The following ARHGAP24 variants were observed in gnomAD, a reference collection of about 807,000 sequenced individuals.
ARHGAP24 encodes the protein Rho GTPase activating protein 24.
Under a neutral mutation model 76.4 loss-of-function variants are expected in ARHGAP24, and 50 were observed. The ratio of observed to expected loss-of-function variants is 0.65; its 90% confidence interval spans 0.52 to 0.83. ARHGAP24 has a LOEUF of 0.83. Ranked by LOEUF, ARHGAP24 falls within the 40% of genes least tolerant of loss-of-function variation. The pLI is 0.00. For missense variants in ARHGAP24, 930 were observed against 914.2 expected (o/e 1.02, Z -0.22); for synonymous variants, 345 against 323.3 (o/e 1.07, Z -0.72).
intron 3 of ARHGAP24, among the ~76,000 whole-genome samples, chr4:85,866,100 A>T (rs1331613989): frequency 6.6e-6 from 1 of 152,106 alleles, no homozygotes; most frequent in African/African-American, 2.4e-5. Flanking sequence ...TTAATGGTTC[A>T]CACTACATTT....
chr4:85,912,403 CA>C, intron 3 of ARHGAP24, among the ~76,000 whole-genome samples: 1 of 152,210 alleles, frequency 6.6e-6, no homozygotes, highest in Middle Eastern at 3.4e-3. Context: ...AGAAAAAGCA[CA>C]ATGGACGGTT....
chr4:85,543,339 G>A (rs1231275756), intron 1 of ARHGAP24, among the ~76,000 whole-genome samples: 2 of 152,176 alleles, frequency 1.3e-5, no homozygotes, highest in African/African-American at 4.8e-5. Context: ...CTAAAACTGG[G>A]AAGAACAATG....
At chr4:85,807,730 C>T (rs1374857089) in intron 3 of ARHGAP24, among the ~76,000 whole-genome samples, 2 of 152,174 alleles carry the variant, frequency 1.3e-5, no homozygotes, top group Non-Finnish European at 2.9e-5. Context: ...AACCTTGGAG[C>T]CCAGAGGCGC....
Position 85,598,059 on chromosome 4 carries a change from G to A in ARHGAP24, c.180+27338G>A, listed in dbSNP as rs145840955. Among the ~76,000 whole-genome samples, 232 of 152,152 alleles carry A rather than the reference G, an allele frequency of 1.5e-3. 2 individuals are homozygous for A. The highest frequency in any genetic ancestry group is 5.1e-3 in the African/African-American group (211 of 41,536). On this transcript the variant is annotated intron_variant, in intron 2 of 9. Coordinates refer to ENST00000395184, the MANE Select transcript of ARHGAP24 (RefSeq NM_001025616.3). Reference sequence around the variant, plus strand: ...TCAAACTATCCTAAGGGATGGATACGTTAAATTTTAGTATATCATAAGAAG... The same window carrying A: ...TCAAACTATCCTAAGGGATGGATACATTAAATTTTAGTATATCATAAGAAG...
In ARHGAP24 at chr4:85,796,208, A is replaced by ACT. The variant is rs1728333322; in HGVS notation, c.268+74237_268+74238insTC. The stretch of plus-strand genomic sequence containing the variant: ...CAGTTTAGTTTTATACCTACTACAC[A>ACT]CACACACACACTCACACACACATAT... On this transcript the variant is annotated intron_variant, in intron 3 of 9. Transcript: ENST00000395184. Among the ~76,000 whole-genome samples, 20 of 151,928 alleles carry ACT rather than the reference A, an allele frequency of 1.3e-4. No homozygotes were observed. In the South Asian group the frequency reaches 4.2e-3, roughly 32 times the overall value.
intron 3 of ARHGAP24, chr4:85,723,724 AT>A (rs1359271397): frequency 1.3e-5 from 2 of 152,200 alleles, no homozygotes; most frequent in Non-Finnish European, 2.9e-5. Context: ...AGTGTTCCAA[AT>A]GTATCTTTGA....
Position 85,954,131 on chromosome 4 carries a change from C to T in ARHGAP24, c.599+11858C>T, listed in dbSNP as rs1156615373. ...AACAAATGAGCTGCCCCAAACATAA[C>T]AAGAAAAAAAGATGTTTTGTTTAGG... On this transcript the variant is annotated intron_variant, in intron 5 of 9. Transcript: ENST00000395184. Among the ~76,000 whole-genome samples the T allele has an allele frequency of 2.0e-5, 3 of 151,938 alleles. No individual in the cohort carries two copies. In the South Asian group the frequency reaches 6.2e-4, roughly 32 times the overall value.
At chr4:85,636,969 A>G (rs1721330838) in intron 2 of ARHGAP24, among the ~76,000 whole-genome samples, 1 of 152,056 alleles carries the variant, frequency 6.6e-6, no homozygotes, top group Admixed American at 6.6e-5. Context: ...GAATGAACAT[A>G]TATTCTTAGA....
intron 1 of ARHGAP24, among the ~76,000 whole-genome samples, chr4:85,558,951 C>T (rs963475368): frequency 7.2e-5 from 11 of 152,182 alleles, no homozygotes; most frequent in African/African-American, 1.9e-4. Context: ...TTTGATTCTC[C>T]TAGGTCAGAC....
chr4:85,644,283 A>T (rs1721639251), intron 2 of ARHGAP24, among the ~76,000 whole-genome samples: 1 of 152,192 alleles, frequency 6.6e-6, no homozygotes, highest in Non-Finnish European at 1.5e-5. Context: ...CATGATTAGT[A>T]CTTGGAGGGA....
intron 3 of ARHGAP24, among the ~76,000 whole-genome samples, chr4:85,760,456 G>A (rs776093450): frequency 1.7e-4 from 26 of 152,066 alleles, no homozygotes; most frequent in Admixed American, 5.9e-4. Flanking sequence ...TACATGCCAC[G>A]TTTAAGAAAC....
In ARHGAP24 at chr4:86,001,634, C is replaced by T. The variant is rs1374487248; in HGVS notation, c.*912C>T. The T allele has an allele frequency of 1.8e-5, 7 of 389,914 alleles. No individual in the cohort carries two copies. The highest frequency in any genetic ancestry group is 4.1e-5 in the African/African-American group (2 of 48,492). 24.2% of individuals were successfully genotyped at this position (389,914 alleles called of 1,614,324 possible). ...AACAATGCTTGCTAAACCATGCCCA[C>T]GTGAGCACCTGTCTCCCACTCAAAC... On this transcript the variant is annotated 3_prime_UTR_variant, in exon 10 of 10. Coordinates refer to ENST00000395184, the MANE Select transcript of ARHGAP24 (RefSeq NM_001025616.3).
chr4:85,660,404 AT>A (rs1199450762), intron 2 of ARHGAP24, among the ~76,000 whole-genome samples: 1 of 152,176 alleles, frequency 6.6e-6, no homozygotes, highest in African/African-American at 2.4e-5. Flanking sequence ...AAACAGAGTG[AT>A]TTATTCACAG....
At chr4:85,634,164 T>C (rs1007397435) in intron 2 of ARHGAP24, among the ~76,000 whole-genome samples, 7 of 151,872 alleles carry the variant, frequency 4.6e-5, no homozygotes, top group Non-Finnish European at 8.8e-5. Flanking sequence ...TTGATGTACA[T>C]AATATGCAAT....
chr4:85,761,216 C>T (rs1389454869), intron 3 of ARHGAP24, among the ~76,000 whole-genome samples: 1 of 152,164 alleles, frequency 6.6e-6, no homozygotes, highest in Non-Finnish European at 1.5e-5. Flanking sequence ...ATTTGATTCT[C>T]TCTTGTTATT....
chr4:85,733,159 G>T (rs2869379), intron 3 of ARHGAP24, among the ~76,000 whole-genome samples: 79,944 of 145,762 alleles, frequency 0.55, 24,012 homozygotes, highest in Non-Finnish European at 0.69. Context: ...TGCCTCCCGG[G>T]TTCACACCTT....
At chr4:85,795,922 G>A (rs1728321712) in intron 3 of ARHGAP24, among the ~76,000 whole-genome samples, 1 of 152,088 alleles carries the variant, frequency 6.6e-6, no homozygotes, top group Admixed American at 6.5e-5. Flanking sequence ...TGTTAATATT[G>A]GATAGTCTCT....
intron 1 of ARHGAP24, among the ~76,000 whole-genome samples, chr4:85,480,601 A>G (rs1023695870): frequency 1.1e-4 from 17 of 152,184 alleles, no homozygotes; most frequent in African/African-American, 3.6e-4. Context: ...ATAAATTTGC[A>G]TGGTATGGCT....
At chr4:85,961,040 C>T (rs1738212736) in intron 5 of ARHGAP24, among the ~76,000 whole-genome samples, 1 of 152,086 alleles carries the variant, frequency 6.6e-6, no homozygotes, top group Non-Finnish European at 1.5e-5. Context: ...CACTCTCTTT[C>T]CTCACTCTGA....
Sources: gnomAD v4.1 joint callset for allele counts (sites outside exome capture counted in the v4.1 genomes callset) on GRCh38, gnomAD v4.1.1 for gene constraint, MANE v1.5 for transcripts, NCBI Gene and HGNC (gene_info 2026-07-23, HGNC 2026-07-21) for gene names.